Variants in TXNDC11 observed in about 807,000 individuals in gnomAD.
TXNDC11 encodes thioredoxin domain containing 11, also known as thioredoxin domain-containing protein 11.
A neutral mutation model predicts 78.0 loss-of-function variants in TXNDC11; 68 were observed. The observed-to-expected ratio is 0.87, with a 90% CI of 0.72 to 1.07. The LOEUF (loss-of-function observed/expected upper bound fraction) is 1.07. TXNDC11 is among the 50% of genes least tolerant of loss of function. The pLI is 0.00. For missense variants in TXNDC11, 1,389 were observed against 1,221.8 expected, an observed-to-expected ratio of 1.14 and a Z score of -2.04; for synonymous variants, 571 against 495.2, an observed-to-expected ratio of 1.15 and a Z score of -2.03.
intron 7 of TXNDC11, among the ~76,000 whole-genome samples, chr16:11,695,346 T>C (rs1248519951): frequency 2.6e-5 from 4 of 152,214 alleles, no homozygotes; most frequent in African/African-American, 9.7e-5. Flanking sequence ...GTCCAGAATG[T>C]TGGTGCTTGG....
At chr16:11,689,889 T>C (rs556397199) in intron 8 of TXNDC11, 2 of 152,386 alleles carry the variant, frequency 1.3e-5, no homozygotes, top group South Asian at 4.1e-4. Context: ...TCGACAGATT[T>C]ATGCCCTTCA....
chr16:11,695,606 C>T (rs1462084272), intron 7 of TXNDC11, among the ~76,000 whole-genome samples: 1 of 152,168 alleles, frequency 6.6e-6, no homozygotes, highest in Non-Finnish European at 1.5e-5. Context: ...CGATCATAGA[C>T]CCTACTTTCC....
chr16:11,698,255 G>A lies in TXNDC11; in HGVS notation c.977C>T (p.Thr326Met), dbSNP rs767664444. ...GTGTGGCCGCAGCCACCGAAAGAGCGTCTCCTGGTTTTCTAAGGCCCACTT... is the reference window on the plus strand; with the variant it reads ...GTGTGGCCGCAGCCACCGAAAGAGCATCTCCTGGTTTTCTAAGGCCCACTT... ...ICKWALENQE[T>M]LFRWLRPHGG... The change falls in exon 7 of 12, where the codon ACG (threonine) becomes ATG (methionine). Residue 326 changes from threonine to methionine, a missense_variant. Transcript: ENST00000283033. 20 of 1,614,034 alleles carry A rather than the reference G, an allele frequency of 1.2e-5. No individual in the cohort carries two copies. Among genetic ancestry groups the A allele is most frequent in the Admixed American group, 6.7e-5 (4 of 60,004 alleles).
At position 11,691,561 on chromosome 16, in the gene TXNDC11, A is replaced by C; in HGVS notation, c.1629T>G (p.Val543=). The change falls in exon 8 of 12, where the codon GTT becomes GTG. Residue 543 remains valine, a synonymous_variant. Transcript: ENST00000283033. ...TGTGAGGAACGGAGCTTGGGGCATC[A>C]ACCTCACATTTCTTCTCAAGGGAAG... ...AFSSLEKKCE[V]DAPSSVPHIE... is the part of the protein sequence containing the mutation. 2 of 1,614,222 alleles carry C rather than the reference A, an allele frequency of 1.2e-6. No individual in the cohort carries two copies. Among genetic ancestry groups the C allele is most frequent in the Non-Finnish European group, 1.7e-6 (2 of 1,180,036 alleles).
At chr16:11,695,073 C>T (rs561646620) in intron 7 of TXNDC11, among the ~76,000 whole-genome samples, 16 of 152,358 alleles carry the variant, frequency 1.1e-4, no homozygotes, top group Admixed American at 9.1e-4. Flanking sequence ...GTCACGAAGA[C>T]TCTTTGCTGG....
intron 5 of TXNDC11, among the ~76,000 whole-genome samples, chr16:11,701,458 A>G (rs1428751337): frequency 6.6e-6 from 1 of 152,000 alleles, no homozygotes; most frequent in Non-Finnish European, 1.5e-5. Context: ...TCTGACTGTA[A>G]TTTCTGTGAA....
rs371320441 is a variant in TXNDC11, at chr16:11,691,267, G to A, written c.1900+23C>T. ...AGTCAAGCAAAATGTACAATGCTTG[G>A]GGAAATAAACTGCCTGCAGTACCTA... On this transcript the variant is annotated intron_variant, in intron 8 of 11. Coordinates refer to ENST00000283033, the MANE Select transcript of TXNDC11 (RefSeq NM_015914.7). 2.5e-6 allele frequency: 4 copies of A among 1,583,112 alleles called. No individual in the cohort carries two copies. In the African/African-American group the frequency reaches 5.4e-5, roughly 22 times the overall value.
At chr16:11,680,125 A>G (rs3784920) in intron 11 of TXNDC11, among the ~76,000 whole-genome samples, 10,531 of 152,280 alleles carry the variant, frequency 0.069, 534 homozygotes, top group South Asian at 0.13. Flanking sequence ...GCCCAGGCCT[A>G]AAGCCAGTGA....
At chr16:11,722,279 C>A (rs888883208) in intron 4 of TXNDC11, among the ~76,000 whole-genome samples, 2 of 152,160 alleles carry the variant, frequency 1.3e-5, no homozygotes, top group Non-Finnish European at 2.9e-5. Flanking sequence ...CCGCCTCTGG[C>A]CCTCTGGCTC....
chr16:11,688,779 A>G lies in TXNDC11; in HGVS notation c.1901-334T>C, dbSNP rs529854775. ...TCATCAACAAGCCACCATCTTTTCA[A>G]GAAATTTCACCCTATAATACTAAGA... On this transcript the variant is annotated intron_variant, in intron 8 of 11. Transcript: ENST00000283033. 4.6e-5 allele frequency among the ~76,000 whole-genome samples: 7 copies of G among 152,342 alleles called. No homozygotes were observed. In the South Asian group the frequency reaches 1.4e-3, roughly 32 times the overall value.
intron 5 of TXNDC11, among the ~76,000 whole-genome samples, chr16:11,716,648 C>T (rs1475195569): frequency 6.6e-6 from 1 of 152,178 alleles, no homozygotes; most frequent in Admixed American, 6.5e-5. Flanking sequence ...AATAATCATG[C>T]TGTGCACCTA....
At position 11,688,374 on chromosome 16, in the gene TXNDC11, G is replaced by C. The variant is rs1449632211; in HGVS notation, c.1972C>G (p.Gln658Glu). 1 of 1,614,108 alleles carries C rather than the reference G, an allele frequency of 6.2e-7. No individual in the cohort carries two copies. The highest frequency in any genetic ancestry group is 1.7e-5 in the Admixed American group (1 of 60,030). Residue 658 changes from glutamine (Q) to glutamate (E), a missense_variant, in exon 9 of 12, where the codon CAG (glutamine) becomes GAG (glutamate). By Grantham distance (29) the Gln-to-Glu change is conservative. Transcript: ENST00000283033. ...GTGATTAAATGCTGAGACGGGAACT[G>C]GGCAGAGCCACTTCCAATGAGATGC... is the stretch of plus-strand genomic sequence containing the variant. Reference protein sequence around the residue: ...KRHLIGSGSAQFPSQHLITEV... With the variant: ...KRHLIGSGSAEFPSQHLITEV...
In TXNDC11 at chr16:11,689,087, C is replaced by CTTT. The variant is rs34967613; in HGVS notation, c.1901-645_1901-643dup. On this transcript the variant is annotated intron_variant, in intron 8 of 11. Transcript: ENST00000283033. ...TGAAACAATACTAATTTGAATTTCA[C>CTTT]TTTTTTTTTTTTTTTTAAAGAGACA... Among the ~76,000 whole-genome samples, 895 of 143,136 alleles carry CTTT rather than the reference C, an allele frequency of 6.3e-3. 8 individuals carry two copies. The highest frequency in any genetic ancestry group is 0.016 in the East Asian group (79 of 4,940). 93.9% of individuals were successfully genotyped at this position (143,136 alleles called of 152,430 possible).
rs2051404476 is a variant in TXNDC11, at chr16:11,712,929, A to AC, written c.793+8647_793+8648insG. 7.4e-4 allele frequency among the ~76,000 whole-genome samples: 105 copies of AC among 142,086 alleles called. No individual in the cohort carries two copies. The Middle Eastern group carries it at 0.011, about 14-fold the overall frequency. The allele number at this position is 142,086 out of a possible 152,430, so 93.2% of individuals were successfully genotyped here. On this transcript the variant is annotated intron_variant, in intron 5 of 11. Coordinates refer to ENST00000283033, the MANE Select transcript of TXNDC11 (RefSeq NM_015914.7). ...ATGGAGAAACCCCATTTCCACTTAA[A>AC]ACACACACACACACACACACACACA...
At chr16:11,698,425 A>G in intron 6 of TXNDC11, 100 bp from the exon 7 acceptor site, 2 of 1,055,816 alleles carry the variant, frequency 1.9e-6, no homozygotes, top group Middle Eastern at 3.1e-4. Context: ...AAGGGTGAGA[A>G]AACCCAGGCG....
In TXNDC11 at chr16:11,688,411, A is replaced by G. The variant is rs1258791993; in HGVS notation, c.1935T>C (p.Ser645=). ...TTCCAATGAGATGCCTTTTCAAGGG[A>G]CTATAGAGAACGCTGAAGTTTTGAA... ...SFIQNFSVLY[S]PLKRHLIGSG... Residue 645 remains serine, a synonymous_variant, in exon 9 of 12, where the codon AGT becomes AGC. Coordinates refer to ENST00000283033, the MANE Select transcript of TXNDC11 (RefSeq NM_015914.7). 2 of 1,613,016 alleles carry G rather than the reference A, an allele frequency of 1.2e-6. No individual in the cohort carries two copies.
chr16:11,692,374 TC>T (rs2050745423), intron 7 of TXNDC11: 2 of 327,090 alleles, frequency 6.1e-6, no homozygotes, highest in Middle Eastern at 8.5e-4. Context: ...AGTTATCAGA[TC>T]AACTGTCTCA....
intron 6 of TXNDC11, among the ~76,000 whole-genome samples, chr16:11,699,629 G>A (rs1047121698): frequency 1.3e-5 from 2 of 152,248 alleles, no homozygotes; most frequent in African/African-American, 4.8e-5. Context: ...GCAGAAGCCA[G>A]GGCGACTGGC....
intron 7 of TXNDC11, among the ~76,000 whole-genome samples, chr16:11,695,334 C>T (rs17606098): frequency 0.44 from 66,428 of 151,986 alleles, 15,119 homozygotes; most frequent in Non-Finnish European, 0.5. Context: ...CACAGCACAA[C>T]TGTCCAGAAT....
Sources: allele counts gnomAD v4.1 joint callset (sites outside exome capture counted in the v4.1 genomes callset), GRCh38; gene constraint gnomAD v4.1.1; transcripts MANE v1.5; gene names NCBI Gene and HGNC (gene_info 2026-07-23, HGNC 2026-07-21).